The following SOX5 variants were observed in gnomAD, a reference collection of about 807,000 sequenced individuals.
The protein encoded by SOX5 is SRY-box transcription factor 5, also known as transcription factor SOX-5.
SOX5 carries 9 observed loss-of-function variants against 92.0 expected under a neutral mutation model. That is an observed-to-expected ratio of 0.10 (90% CI 0.06 to 0.17). SOX5 has a LOEUF of 0.17. SOX5 is among the 10% of genes least tolerant of loss of function. The pLI is 1.00. For missense variants in SOX5, 642 were observed against 944.5 expected, an observed-to-expected ratio of 0.68 and a Z score of 4.20; for synonymous variants, 344 against 336.3, an observed-to-expected ratio of 1.02 and a Z score of -0.25.
intron 1 of SOX5, among the ~76,000 whole-genome samples, chr12:24,414,349 T>A (rs1207132336): frequency 6.6e-6 from 1 of 152,172 alleles, no homozygotes; most frequent in Non-Finnish European, 1.5e-5. Context: ...AAACAGTGGA[T>A]CCCATTGGGG....
At chr12:24,520,667 G>A (rs1950188964) in intron 1 of SOX5, among the ~76,000 whole-genome samples, 1 of 152,048 alleles carries the variant, frequency 6.6e-6, no homozygotes, top group Admixed American at 6.6e-5. Context: ...AAATGTAAAT[G>A]AGTTAAATTC....
intron 3 of SOX5, among the ~76,000 whole-genome samples, chr12:24,233,264 C>A (rs1189823515): frequency 6.6e-6 from 1 of 151,806 alleles, no homozygotes; most frequent in Non-Finnish European, 1.5e-5. Flanking sequence ...AACATCCTAA[C>A]CAATATAATA....
intron 1 of SOX5, among the ~76,000 whole-genome samples, chr12:24,464,767 G>A (rs999400119): frequency 6.6e-6 from 1 of 152,136 alleles, no homozygotes; most frequent in Non-Finnish European, 1.5e-5. Context: ...AGGAAACTCA[G>A]GTATAAAGAG....
chr12:24,059,749 T>A (rs1939306427), intron 4 of SOX5, among the ~76,000 whole-genome samples: 1 of 152,134 alleles, frequency 6.6e-6, no homozygotes, highest in South Asian at 2.1e-4. Context: ...TGGATAGTCA[T>A]TTAAAGTGCA....
At chr12:24,314,111 C>A (rs754492040) in intron 2 of SOX5, among the ~76,000 whole-genome samples, 3 of 152,148 alleles carry the variant, frequency 2.0e-5, no homozygotes, top group Non-Finnish European at 4.4e-5. Context: ...TCTCGTCTGG[C>A]TTATTGTAAT....
chr12:24,053,391 A>G (rs112036711), intron 4 of SOX5, among the ~76,000 whole-genome samples: 3,516 of 152,144 alleles, frequency 0.023, 134 homozygotes, highest in African/African-American at 0.081. Context: ...CGGGCTCCCA[A>G]AGTGCTGTGA....
intron 1 of SOX5, among the ~76,000 whole-genome samples, chr12:24,494,379 G>T (rs1947399334): frequency 6.6e-6 from 1 of 152,176 alleles, no homozygotes; most frequent in Non-Finnish European, 1.5e-5. Context: ...CAACAAAAAG[G>T]ACAGCAAATA....
At chr12:23,566,323 C>T (rs1947079078) in intron 10 of SOX5, among the ~76,000 whole-genome samples, 2 of 152,196 alleles carry the variant, frequency 1.3e-5, no homozygotes, top group Non-Finnish European at 2.9e-5. Flanking sequence ...CTCATAATCT[C>T]CCATTCCCTC....
chr12:23,563,448 G>A (rs564288912), intron 10 of SOX5, 45 bp from the exon 11 acceptor site: 1 of 1,574,864 alleles, frequency 6.3e-7, no homozygotes, highest in Non-Finnish European at 8.7e-7. Flanking sequence ...ATAAAAGCAT[G>A]TCTAGGCTAG....
chr12:24,460,433 G>A lies in SOX5; in HGVS notation c.-250-91794C>T, dbSNP rs567321865. The stretch of plus-strand genomic sequence containing the variant: ...TAACAAAAAGGACTTCAGCCAGCAA[G>A]TAAGCAGAACAGCACACTTAATCTG... On this transcript the variant is annotated intron_variant, in intron 1 of 4. Transcript: ENST00000446891. Among the ~76,000 whole-genome samples, 14 of 152,318 alleles carry A rather than the reference G, an allele frequency of 9.2e-5. No individual in the cohort carries two copies. In the East Asian group the frequency reaches 2.7e-3, roughly 29 times the overall value.
At chr12:23,967,988 G>C (rs1462097880) in intron 4 of SOX5, among the ~76,000 whole-genome samples, 5 of 152,174 alleles carry the variant, frequency 3.3e-5, no homozygotes, top group African/African-American at 1.2e-4. Context: ...TTTGAATGCA[G>C]TAGCTCTTCT....
chr12:24,367,694 T>C (rs1292080628), intron 2 of SOX5, among the ~76,000 whole-genome samples: 1 of 152,188 alleles, frequency 6.6e-6, no homozygotes, highest in Non-Finnish European at 1.5e-5. Context: ...GGTTTCCTCA[T>C]ATTTTAAAAT....
At chr12:24,502,490 C>A (rs1022235432) in intron 1 of SOX5, among the ~76,000 whole-genome samples, 1 of 152,068 alleles carries the variant, frequency 6.6e-6, no homozygotes, top group African/African-American at 2.4e-5. Context: ...GGAAATAAAT[C>A]ATTGAGTATA....
At chr12:23,976,389 T>C (rs1288743716) in intron 4 of SOX5, among the ~76,000 whole-genome samples, 1 of 54,046 alleles carries the variant, frequency 1.9e-5, no homozygotes, top group East Asian at 6.6e-4. Flanking sequence ...GTGAACACTA[T>C]TAAAAAAACA....
upstream of SOX5, chr12:24,562,614 GACAA>G (rs1259266645): frequency 1.3e-5 from 2 of 152,148 alleles, no homozygotes; most frequent in Non-Finnish European, 1.5e-5. Flanking sequence ...CGGCTTCAGA[GACAA>G]ACAACACAAT....
intron 6 of SOX5, among the ~76,000 whole-genome samples, chr12:23,679,257 C>T (rs2086198011): frequency 6.6e-6 from 1 of 152,084 alleles, no homozygotes; most frequent in African/African-American, 2.4e-5. Flanking sequence ...AAACCTCAGT[C>T]TCTCACACTA....
chr12:24,278,052 T>G, intron 2 of SOX5, among the ~76,000 whole-genome samples: 1 of 152,126 alleles, frequency 6.6e-6, no homozygotes, highest in Admixed American at 6.6e-5. Flanking sequence ...GAATCAGACT[T>G]ATGAAAGCAA....
chr12:23,982,057 T>C (rs1347105236), intron 4 of SOX5, among the ~76,000 whole-genome samples: 1 of 152,176 alleles, frequency 6.6e-6, no homozygotes, highest in African/African-American at 2.4e-5. Flanking sequence ...TGAAGTATGA[T>C]TGATGGAGAT....
At chr12:24,198,583 G>A (rs780362648) in intron 4 of SOX5, among the ~76,000 whole-genome samples, 1 of 152,112 alleles carries the variant, frequency 6.6e-6, no homozygotes, top group Non-Finnish European at 1.5e-5. Flanking sequence ...CTAATAACCC[G>A]ATCCATTAAC....
Sources: allele counts gnomAD v4.1 joint callset (sites outside exome capture counted in the v4.1 genomes callset), GRCh38; gene constraint gnomAD v4.1.1; transcripts MANE v1.5; gene names NCBI Gene and HGNC (gene_info 2026-07-23, HGNC 2026-07-21).